Variants in OXSR1 observed in about 807,000 individuals in gnomAD.
OXSR1 encodes the protein serine/threonine-protein kinase OSR1.
A neutral mutation model predicts 79.8 loss-of-function variants in OXSR1; 24 were observed. The observed-to-expected ratio is 0.30, with a 90% CI of 0.22 to 0.42. OXSR1 has a LOEUF of 0.42. Ranked by LOEUF, OXSR1 falls within the 10% of genes least tolerant of loss-of-function variation. The pLI is 1.00. For missense variants in OXSR1, 430 were observed against 618.4 expected (o/e 0.70, Z 3.23); for synonymous variants, 226 against 209.2 (o/e 1.08, Z -0.69).
intron 4 of OXSR1, among the ~76,000 whole-genome samples, chr3:38,206,816 G>A (rs1324883352): frequency 6.6e-6 from 1 of 152,150 alleles, no homozygotes. Context: ...GTCTTTCTTA[G>A]CAGGCTTTAG....
intron 4 of OXSR1, 53 bp from the exon 5 acceptor site, chr3:38,216,043 T>C (rs1484854635): frequency 3.7e-6 from 4 of 1,089,562 alleles, no homozygotes; most frequent in African/African-American, 1.6e-5. Flanking sequence ...TAAATTATGT[T>C]ACTCCAAAGA....
chr3:38,211,945 C>A (rs1040067247), intron 4 of OXSR1, among the ~76,000 whole-genome samples: 8 of 152,180 alleles, frequency 5.3e-5, no homozygotes, highest in Non-Finnish European at 1.0e-4. Flanking sequence ...TGTTTTCCAA[C>A]GCAGCATTCG....
At chr3:38,194,528 A>G (rs1017438335) in intron 3 of OXSR1, among the ~76,000 whole-genome samples, 9 of 152,040 alleles carry the variant, frequency 5.9e-5, no homozygotes, top group African/African-American at 1.9e-4. Context: ...ACAGAGTGAG[A>G]CTCTGTCTCT....
intron 1 of OXSR1, among the ~76,000 whole-genome samples, chr3:38,182,636 C>T (rs1030083123): frequency 2.0e-5 from 3 of 152,110 alleles, no homozygotes; most frequent in Non-Finnish European, 4.4e-5. Context: ...TCTTGAGATC[C>T]CTAACTAGTC....
chr3:38,221,711 TAA>T, intron 6 of OXSR1, 24 bp downstream of exon 6: 1 of 1,388,526 alleles, frequency 7.2e-7, no homozygotes, highest in Non-Finnish European at 1.0e-6. Flanking sequence ...TTTTCTGTTT[TAA>T]ATGGGTTAGG....
At chr3:38,183,554 CT>C (rs1701826840) in intron 2 of OXSR1, among the ~76,000 whole-genome samples, 1 of 152,134 alleles carries the variant, frequency 6.6e-6, no homozygotes, top group East Asian at 1.9e-4. Flanking sequence ...ATAAACAATG[CT>C]TGCTTTTCTA....
upstream of OXSR1, among the ~76,000 whole-genome samples, chr3:38,164,297 C>T (rs1330033619): frequency 6.6e-6 from 1 of 152,184 alleles, no homozygotes; most frequent in African/African-American, 2.4e-5. Flanking sequence ...AGGCGCCAGC[C>T]ACCACGCCCA....
chr3:38,201,584 C>G, intron 4 of OXSR1, among the ~76,000 whole-genome samples: 1 of 152,068 alleles, frequency 6.6e-6, no homozygotes, highest in East Asian at 1.9e-4. Flanking sequence ...GTGGTGGGTG[C>G]CTGTAGTCCT....
intron 14 of OXSR1, among the ~76,000 whole-genome samples, chr3:38,249,709 A>G (rs1289539736): frequency 6.6e-6 from 1 of 152,168 alleles, no homozygotes; most frequent in Non-Finnish European, 1.5e-5. Context: ...GTGGGCATAT[A>G]AGAATCTACT....
At chr3:38,238,879 A>G (rs921780102) in intron 11 of OXSR1, among the ~76,000 whole-genome samples, 1 of 152,036 alleles carries the variant, frequency 6.6e-6, no homozygotes, top group Non-Finnish European at 1.5e-5. Flanking sequence ...TTTTTCAGCC[A>G]TTATATTTTC....
rs35570159 is a variant in OXSR1, at chr3:38,179,028, C to CTTT, written c.71-3957_71-3955dup. Among the ~76,000 whole-genome samples the CTTT allele has an allele frequency of 2.9e-4, 30 of 103,534 alleles. 3 individuals are homozygous for CTTT. Among genetic ancestry groups the CTTT allele is most frequent in the Admixed American group, 3.4e-4 (3 of 8,896 alleles). The allele number at this position is 103,534 out of a possible 152,430, so 67.9% of individuals were successfully genotyped here. On this transcript the variant is annotated intron_variant, in intron 1 of 17. Coordinates refer to ENST00000311806, the MANE Select transcript of OXSR1 (RefSeq NM_005109.3). ...TACAGACGTGCACCACCACACCTGG[C>CTTT]TTTTTTTTTTTTTTTTTTTTGAGAC...
chr3:38,175,027 AG>A (rs1701652361), intron 1 of OXSR1, among the ~76,000 whole-genome samples: 2 of 152,338 alleles, frequency 1.3e-5, no homozygotes, highest in African/African-American at 4.8e-5. Context: ...GACTCTGACA[AG>A]AGACCTTATT....
In OXSR1 at chr3:38,252,839, A is replaced by G. The variant is rs1159523908; in HGVS notation, c.1532A>G (p.Asp511Gly). 2 of 1,613,512 alleles carry G rather than the reference A, an allele frequency of 1.2e-6. No homozygotes were observed. Among genetic ancestry groups the G allele is most frequent in the Admixed American group, 3.3e-5 (2 of 59,964 alleles). The change falls in exon 18 of 18, where the codon GAT becomes GGT. Residue 511 changes from aspartate to glycine, a missense_variant. Transcript: ENST00000311806. ...TAGGCATCTGGTGTCGAAGGCTCAG[A>G]TATTCCTGATGATGGTAAACTGATA... ...FKLASGVEGS[D>G]IPDDGKLIGF...
intron 1 of OXSR1, among the ~76,000 whole-genome samples, chr3:38,182,251 G>A (rs890596332): frequency 1.3e-5 from 2 of 152,196 alleles, no homozygotes; most frequent in African/African-American, 4.8e-5. Flanking sequence ...TGGCTTTGCT[G>A]CTGCTAAGGG....
intron 1 of OXSR1, among the ~76,000 whole-genome samples, chr3:38,181,313 ACTT>A (rs1447295729): frequency 1.4e-5 from 2 of 144,636 alleles, no homozygotes; most frequent in African/African-American, 2.6e-5. Context: ...AGTAAGTTCT[ACTT>A]CTTTGCTGAG....
At chr3:38,244,670 T>TGTGCGCGC (rs1491372358) in intron 12 of OXSR1, among the ~76,000 whole-genome samples, 2 of 149,626 alleles carry the variant, frequency 1.3e-5, no homozygotes, top group Non-Finnish European at 1.5e-5. Context: ...TGTGTGTGCG[T>TGTGCGCGC]GCGCATGTAC....
chr3:38,224,585 A>G lies in OXSR1; in HGVS notation c.717A>G (p.Thr239=). The G allele has an allele frequency of 2.5e-6, 4 of 1,583,858 alleles. No individual in the cohort carries two copies. The highest frequency in any genetic ancestry group is 3.4e-6 in the Non-Finnish European group (4 of 1,170,608). Residue 239 remains threonine, a synonymous_variant, in exon 8 of 18, where the codon ACA becomes ACG. Coordinates refer to ENST00000311806, the MANE Select transcript of OXSR1 (RefSeq NM_005109.3). ...AATTCTTGCAGGTTTTAATGCTGAC[A>G]CTGCAGAACGATCCTCCTTCTTTGG... The part of the protein sequence containing the change: ...KYPPMKVLML[T]LQNDPPSLET...
intron 10 of OXSR1, 88 bp from the exon 11 acceptor site, chr3:38,236,751 G>T: frequency 8.5e-7 from 1 of 1,179,296 alleles, no homozygotes; most frequent in Non-Finnish European, 1.2e-6. Context: ...TTAATGGATT[G>T]AAGTGATAGA....
At chr3:38,200,363 A>G (rs1702142907) in intron 4 of OXSR1, among the ~76,000 whole-genome samples, 1 of 152,210 alleles carries the variant, frequency 6.6e-6, no homozygotes, top group African/African-American at 2.4e-5. Context: ...AAAGCTCAGG[A>G]AACTTTTTTT....
Sources: gnomAD v4.1 joint callset for allele counts (sites outside exome capture counted in the v4.1 genomes callset) on GRCh38, gnomAD v4.1.1 for gene constraint, MANE v1.5 for transcripts, NCBI Gene and HGNC (gene_info 2026-07-23, HGNC 2026-07-21) for gene names.